RANBP17: variants seen among roughly 807,000 people sequenced by gnomAD.
RANBP17 encodes RAN binding protein 17.
Under a neutral mutation model 141.2 loss-of-function variants are expected in RANBP17, and 158 were observed. The ratio of observed to expected loss-of-function variants is 1.12; its 90% CI spans 0.98 to 1.28. The LOEUF is 1.28. RANBP17 is among the 50% of genes most tolerant of loss of function. The pLI is 0.00. For missense variants in RANBP17, 1,438 were observed against 1,290.7 expected (o/e 1.11, Z -1.75); for synonymous variants, 430 against 450.0 (o/e 0.96, Z 0.56).
intron 24 of RANBP17, chr5:171,253,025 T>A: frequency 9.2e-7 from 1 of 1,082,390 alleles, no homozygotes; most frequent in East Asian, 2.4e-5. Context: ...CTGCCGCATT[T>A]CTTCTCTGGT....
intron 5 of RANBP17, among the ~76,000 whole-genome samples, chr5:170,907,412 A>C (rs182025554): frequency 7.2e-5 from 11 of 152,074 alleles, no homozygotes; most frequent in African/African-American, 2.6e-4. Context: ...TTTTCGCTCT[A>C]TTTTTACCTT....
At chr5:171,206,858 C>T (rs900565936) in intron 20 of RANBP17, 10 of 183,502 alleles carry the variant, frequency 5.4e-5, no homozygotes, top group African/African-American at 2.1e-4. Context: ...ATTTTTATGT[C>T]ATTGAGTAAT....
chr5:171,143,898 G>A (rs576988234), intron 14 of RANBP17, among the ~76,000 whole-genome samples: 57 of 152,330 alleles, frequency 3.7e-4, no homozygotes, highest in Non-Finnish European at 1.8e-4. Context: ...AGAAAGCCAT[G>A]CGAGTATTAC....
intron 18 of RANBP17, among the ~76,000 whole-genome samples, chr5:171,183,988 A>T (rs941910512): frequency 1.3e-5 from 2 of 152,156 alleles, no homozygotes; most frequent in African/African-American, 4.8e-5. Context: ...TATGTTGGGG[A>T]TGGGGGGACA....
At chr5:171,051,538 G>T (rs1479482412) in intron 14 of RANBP17, among the ~76,000 whole-genome samples, 2 of 152,056 alleles carry the variant, frequency 1.3e-5, no homozygotes, top group Non-Finnish European at 2.9e-5. Flanking sequence ...TGTTTTCAAG[G>T]TTCATCCAAA....
At chr5:171,053,302 C>T (rs1783088673) in intron 14 of RANBP17, among the ~76,000 whole-genome samples, 1 of 152,052 alleles carries the variant, frequency 6.6e-6, no homozygotes, top group Non-Finnish European at 1.5e-5. Context: ...ATGATCCCAT[C>T]ACTCAGGTAC....
intron 14 of RANBP17, among the ~76,000 whole-genome samples, chr5:171,062,610 A>G (rs1257476726): frequency 6.6e-6 from 1 of 151,976 alleles, no homozygotes; most frequent in Non-Finnish European, 1.5e-5. Context: ...CTTCATTTCA[A>G]CTTTGGTGAA....
intron 25 of RANBP17, among the ~76,000 whole-genome samples, chr5:171,287,946 A>AT (rs947877895): frequency 2.0e-5 from 3 of 151,932 alleles, no homozygotes; most frequent in African/African-American, 4.8e-5. Flanking sequence ...ACTTTATGGA[A>AT]TTTTTTTTAG....
intron 16 of RANBP17, among the ~76,000 whole-genome samples, chr5:171,181,306 C>T (rs769447075): frequency 2.6e-5 from 4 of 152,014 alleles, no homozygotes; most frequent in Non-Finnish European, 5.9e-5. Flanking sequence ...AAAAATTAGC[C>T]GGGCGTGGTG....
At chr5:171,039,244 G>GTTTT (rs1782086958) in intron 14 of RANBP17, among the ~76,000 whole-genome samples, 1 of 90,186 alleles carries the variant, frequency 1.1e-5, no homozygotes. Flanking sequence ...TTCTGTTGTT[G>GTTTT]GTTTTTTTTT....
chr5:170,908,386 C>G (rs1771246218), intron 5 of RANBP17, among the ~76,000 whole-genome samples: 1 of 151,524 alleles, frequency 6.6e-6, no homozygotes, highest in Non-Finnish European at 1.5e-5. Context: ...AGCTGGAGGC[C>G]CTTATCTGAA....
chr5:171,191,560 C>A (rs1290006200), intron 18 of RANBP17, among the ~76,000 whole-genome samples: 2 of 152,010 alleles, frequency 1.3e-5, no homozygotes, highest in East Asian at 3.9e-4. Flanking sequence ...CATGGCGGGT[C>A]TCTGTAGTCC....
chr5:171,100,150 T>C (rs1787039720), intron 14 of RANBP17, among the ~76,000 whole-genome samples: 9 of 152,222 alleles, frequency 5.9e-5, no homozygotes, highest in Admixed American at 5.9e-4. Flanking sequence ...CCTCTTTTTC[T>C]ATTGTTTGGA....
intron 14 of RANBP17, among the ~76,000 whole-genome samples, chr5:171,025,471 T>C (rs949826666): frequency 1.3e-5 from 2 of 152,158 alleles, no homozygotes; most frequent in Non-Finnish European, 2.9e-5. Flanking sequence ...GCTGTTTTCT[T>C]TCTTCTTTGC....
rs142469106 is a variant in RANBP17, at chr5:170,881,475, T to G, written c.166-331T>G. The stretch of plus-strand genomic sequence containing the variant: ...ATGGAATCAGATGAATTTGAAGAGA[T>G]AATCAGAGGCCAGATGATGTAGGGC... On this transcript the variant is annotated intron_variant, in intron 2 of 27. Transcript: ENST00000523189. Among the ~76,000 whole-genome samples the G allele has an allele frequency of 2.1e-3, 324 of 152,312 alleles. 3 individuals are homozygous for G. In the South Asian group the frequency reaches 0.023, roughly 11 times the overall value.
chr5:171,156,954 C>T (rs1161298649), intron 14 of RANBP17, among the ~76,000 whole-genome samples: 1 of 152,012 alleles, frequency 6.6e-6, no homozygotes, highest in African/African-American at 2.4e-5. Context: ...AATCATTGTT[C>T]GACTTGAACA....
intron 12 of RANBP17, among the ~76,000 whole-genome samples, chr5:170,940,800 T>G (rs1271738156): frequency 1.3e-5 from 2 of 152,158 alleles, no homozygotes; most frequent in Admixed American, 1.3e-4. Context: ...AATACCAGTT[T>G]TCTCCAGGGC....
intron 22 of RANBP17, among the ~76,000 whole-genome samples, chr5:171,225,862 A>G (rs1406208532): frequency 6.6e-6 from 1 of 152,220 alleles, no homozygotes; most frequent in African/African-American, 2.4e-5. Context: ...ACAGTCTGTC[A>G]TGATATACTT....
At chr5:171,107,107 A>C (rs1489726365) in intron 14 of RANBP17, among the ~76,000 whole-genome samples, 1 of 152,186 alleles carries the variant, frequency 6.6e-6, no homozygotes, top group African/African-American at 2.4e-5. Flanking sequence ...ATTTTATAAG[A>C]TAGACAAAGC....
Sources: gnomAD v4.1 joint callset for allele counts (sites outside exome capture counted in the v4.1 genomes callset) on GRCh38, gnomAD v4.1.1 for gene constraint, MANE v1.5 for transcripts, NCBI Gene and HGNC (gene_info 2026-07-23, HGNC 2026-07-21) for gene names.